Variants in TBC1D32 observed in about 807,000 individuals in gnomAD.
TBC1D32 encodes the protein protein broad-minded.
In TBC1D32, 151 loss-of-function variants were observed where a neutral mutation model predicts 170.3. That is an observed-to-expected ratio of 0.89 (90% CI 0.78 to 1.01). TBC1D32 has a LOEUF of 1.01. Among genes scored for constraint, TBC1D32 ranks in the 50% least tolerant of loss-of-function variants. The pLI is 0.00. For synonymous variants in TBC1D32, 498 were observed against 488.0 expected, an observed-to-expected ratio of 1.02 and a Z score of -0.27; for missense variants, 1,464 against 1,457.1, an observed-to-expected ratio of 1.00 and a Z score of -0.08.
Position 121,110,717 on chromosome 6 carries a change from TG to T in TBC1D32, c.3324+1787del, listed in dbSNP as rs559310476. ...TTTTAAATAATATATTAAGACTTAC[TG>T]AATGTACTATCAAGTCAAGTGACAT... On this transcript the variant is annotated intron_variant, in intron 29 of 31. Coordinates refer to ENST00000398212, the MANE Select transcript of TBC1D32 (RefSeq NM_152730.6). 2.0e-3 allele frequency among the ~76,000 whole-genome samples: 298 copies of T among 152,308 alleles called. 3 individuals carry two copies. In the Middle Eastern group the frequency reaches 0.037, roughly 19 times the overall value.
At chr6:121,109,323 T>C (rs1244415223) in intron 29 of TBC1D32, among the ~76,000 whole-genome samples, 1 of 152,216 alleles carries the variant, frequency 6.6e-6, no homozygotes, top group Non-Finnish European at 1.5e-5. Flanking sequence ...ATGAATTTCC[T>C]GTTGAACTAT....
At chr6:121,190,987 T>C (rs1789930648) in intron 22 of TBC1D32, among the ~76,000 whole-genome samples, 1 of 152,120 alleles carries the variant, frequency 6.6e-6, no homozygotes, top group African/African-American at 2.4e-5. Context: ...ATTCCATCTA[T>C]ACATCACCAT....
intron 12 of TBC1D32, among the ~76,000 whole-genome samples, chr6:121,287,417 T>A (rs1355051006): frequency 2.6e-5 from 4 of 152,130 alleles, no homozygotes; most frequent in African/African-American, 9.7e-5. Flanking sequence ...GGCCATTACA[T>A]AATGGTAAAG....
chr6:121,277,265 A>G (rs1802337442), intron 15 of TBC1D32, among the ~76,000 whole-genome samples: 1 of 152,132 alleles, frequency 6.6e-6, no homozygotes. Flanking sequence ...AGGCAGGTGA[A>G]TCACTTGAGG....
chr6:121,134,741 T>G lies in TBC1D32; in HGVS notation c.2774-2989A>C, dbSNP rs143826910. On this transcript the variant is annotated intron_variant, in intron 24 of 31. Transcript: ENST00000398212. The stretch of plus-strand genomic sequence containing the variant: ...CATGTATATCTGTGATATTACTGAG[T>G]TTGAGGGGAACAATAAATAATTCAT... Among the ~76,000 whole-genome samples the G allele has an allele frequency of 5.4e-3, 821 of 152,198 alleles. 7 individuals are homozygous for G. The highest frequency in any genetic ancestry group is 0.019 in the African/African-American group (786 of 41,532).
At chr6:121,226,970 G>A (rs1267828975) in intron 20 of TBC1D32, among the ~76,000 whole-genome samples, 1 of 147,740 alleles carries the variant, frequency 6.8e-6, no homozygotes, top group African/African-American at 2.7e-5. Flanking sequence ...CCAATATTTT[G>A]GCTTCCCTGG....
intron 25 of TBC1D32, among the ~76,000 whole-genome samples, chr6:121,130,634 T>C (rs1011533902): frequency 6.6e-6 from 1 of 152,142 alleles, no homozygotes; most frequent in Non-Finnish European, 1.5e-5. Context: ...AGCTGATACT[T>C]CTCTTTTGTC....
At chr6:121,113,281 G>T in intron 27 of TBC1D32, 104 bp from the exon 28 acceptor site, 1 of 652,062 alleles carries the variant, frequency 1.5e-6, no homozygotes, top group South Asian at 2.5e-5. Flanking sequence ...ACTTATGAAA[G>T]ATTAGCTCTC....
chr6:121,168,678 A>G (rs1324027044), intron 22 of TBC1D32, among the ~76,000 whole-genome samples: 1 of 119,608 alleles, frequency 8.4e-6, no homozygotes, highest in East Asian at 2.7e-4. Flanking sequence ...TAACCTGCAC[A>G]ATGTGCACAT....
At chr6:121,185,031 TCTC>T (rs1377990999) in intron 22 of TBC1D32, among the ~76,000 whole-genome samples, 1 of 151,154 alleles carries the variant, frequency 6.6e-6, no homozygotes, top group Non-Finnish European at 1.5e-5. Context: ...CCACCAATCT[TCTC>T]ATACTATTCT....
intron 15 of TBC1D32, among the ~76,000 whole-genome samples, chr6:121,274,768 G>A (rs77309327): frequency 0.024 from 3,671 of 152,196 alleles, 163 homozygotes; most frequent in East Asian, 0.12. Context: ...ACATTTCAGC[G>A]TAAAAGTTAT....
chr6:121,261,180 G>A (rs114707056), intron 15 of TBC1D32, among the ~76,000 whole-genome samples: 1 of 152,160 alleles, frequency 6.6e-6, no homozygotes, highest in South Asian at 2.1e-4. Context: ...CAGTCTCTAT[G>A]GAACAGCAGA....
intron 24 of TBC1D32, among the ~76,000 whole-genome samples, chr6:121,155,209 C>T (rs1281855986): frequency 6.6e-6 from 1 of 151,968 alleles, no homozygotes; most frequent in Non-Finnish European, 1.5e-5. Context: ...TGTAGAACTA[C>T]TTCCCATCAT....
At chr6:121,197,516 A>C (rs1274142632) in intron 22 of TBC1D32, among the ~76,000 whole-genome samples, 1 of 152,182 alleles carries the variant, frequency 6.6e-6, no homozygotes, top group Non-Finnish European at 1.5e-5. Flanking sequence ...ATACACTTGT[A>C]CTAAGACATT....
intron 21 of TBC1D32, among the ~76,000 whole-genome samples, chr6:121,219,541 T>C (rs939333201): frequency 1.2e-4 from 18 of 152,194 alleles, no homozygotes; most frequent in Non-Finnish European, 7.3e-5. Flanking sequence ...ATAATCTAAA[T>C]AAAACCAATC....
rs543118238 is a variant in TBC1D32 at position 121,082,048 on chromosome 6, T to C, written c.3655-1158A>G. ...CCTTCCAATGTAAGTATCTGAGCTCTAATCTCAAGATAATTGTGAAATTAT... is the reference window on the plus strand; with the variant it reads ...CCTTCCAATGTAAGTATCTGAGCTCCAATCTCAAGATAATTGTGAAATTAT... On this transcript the variant is annotated intron_variant, in intron 31 of 31. Coordinates refer to ENST00000398212, the MANE Select transcript of TBC1D32 (RefSeq NM_152730.6). Among the ~76,000 whole-genome samples the C allele has an allele frequency of 3.3e-5, 5 of 152,208 alleles. 1 individual carries two copies. The highest frequency in any genetic ancestry group is 2.6e-4 in the Admixed American group (4 of 15,294).
chr6:121,118,403 T>C (rs1165416986), intron 26 of TBC1D32, among the ~76,000 whole-genome samples: 1 of 152,196 alleles, frequency 6.6e-6, no homozygotes, highest in Non-Finnish European at 1.5e-5. Context: ...TTATTCAAAA[T>C]AACCAATACT....
chr6:121,083,862 C>G (rs1159300257), intron 31 of TBC1D32, among the ~76,000 whole-genome samples: 1 of 152,012 alleles, frequency 6.6e-6, no homozygotes, highest in Non-Finnish European at 1.5e-5. Flanking sequence ...ATTCTGAAAT[C>G]TGAACTTCTT....
intron 30 of TBC1D32, among the ~76,000 whole-genome samples, chr6:121,096,513 A>G (rs776010848): frequency 4.6e-5 from 7 of 152,178 alleles, no homozygotes; most frequent in Non-Finnish European, 1.0e-4. Context: ...CTCTGCAAGT[A>G]GAACTACAAA....
Sources: gnomAD v4.1 joint callset for allele counts (sites outside exome capture counted in the v4.1 genomes callset) on GRCh38, gnomAD v4.1.1 for gene constraint, MANE v1.5 for transcripts, NCBI Gene and HGNC (gene_info 2026-07-23, HGNC 2026-07-21) for gene names.